Variants in MAML3 observed in about 807,000 individuals in gnomAD.
MAML3 encodes mastermind-like protein 3.
In MAML3, 27 loss-of-function variants were observed where a neutral mutation model predicts 101.9. The ratio of observed to expected loss-of-function variants is 0.27; its 90% CI spans 0.20 to 0.37. The LOEUF (loss-of-function observed/expected upper bound fraction) is 0.37. MAML3 is among the 10% of genes least tolerant of loss of function. The probability of loss-of-function intolerance (pLI) is 1.00; values close to 1 mark genes in which losing one functional copy is unlikely to be tolerated. For synonymous variants in MAML3, 501 were observed against 555.9 expected (o/e 0.90, Z 1.39); for missense variants, 1,316 against 1,444.9 (o/e 0.91, Z 1.45).
intron 1 of MAML3, among the ~76,000 whole-genome samples, chr4:140,064,972 T>C (rs1423221728): frequency 6.6e-6 from 1 of 152,216 alleles, no homozygotes; most frequent in East Asian, 1.9e-4. Flanking sequence ...GAAGATTCTT[T>C]CACCCAAATC....
chr4:139,965,532 A>G (rs1173114409), intron 1 of MAML3, among the ~76,000 whole-genome samples: 1 of 152,170 alleles, frequency 6.6e-6, no homozygotes, highest in Non-Finnish European at 1.5e-5. Context: ...CTTTGCTTCA[A>G]TTTTTTAAAA....
At chr4:139,857,992 C>T (rs181608274) in intron 2 of MAML3, among the ~76,000 whole-genome samples, 2 of 152,316 alleles carry the variant, frequency 1.3e-5, no homozygotes, top group Non-Finnish European at 2.9e-5. Context: ...GACCACCCCA[C>T]CTTAATCTGG....
In MAML3 at chr4:139,815,747, G is replaced by A. The variant is rs180761928; in HGVS notation, c.2079+73610C>T. Among the ~76,000 whole-genome samples, 6 of 152,256 alleles carry A rather than the reference G, an allele frequency of 3.9e-5. No homozygotes were observed. The East Asian group carries it at 1.2e-3, about 29-fold the overall frequency. On this transcript the variant is annotated intron_variant, in intron 2 of 4. Transcript: ENST00000509479. ...GTTTCCAGAACTCAACTGGGACAAA[G>A]TTAAAAGTTTTAGTTCAAAACTGAA... is the stretch of plus-strand genomic sequence containing the variant.
chr4:139,864,670 G>A lies in MAML3; in HGVS notation c.2079+24687C>T, dbSNP rs201781736. On this transcript the variant is annotated intron_variant, in intron 2 of 4. Coordinates refer to ENST00000509479, the MANE Select transcript of MAML3 (RefSeq NM_018717.5). The stretch of plus-strand genomic sequence containing the variant: ...CAGCCTGGCGACAGAGCGAGGCTCC[G>A]TCTCAAAAAAAAAAAAAAAAAAAAA... 1.7e-3 allele frequency among the ~76,000 whole-genome samples: 94 copies of A among 53,850 alleles called. No homozygotes were observed. In the East Asian group the frequency reaches 0.035, roughly 20 times the overall value. 35.3% of individuals were successfully genotyped at this position (53,850 alleles called of 152,430 possible).
intron 1 of MAML3, among the ~76,000 whole-genome samples, chr4:139,970,474 C>T (rs922657204): frequency 2.0e-5 from 3 of 152,058 alleles, no homozygotes; most frequent in African/African-American, 4.8e-5. Flanking sequence ...AGTGCAGATC[C>T]ACCCAGGGTC....
chr4:139,747,839 A>C (rs1284957463), intron 2 of MAML3, among the ~76,000 whole-genome samples: 2 of 152,038 alleles, frequency 1.3e-5, no homozygotes, highest in African/African-American at 4.8e-5. Flanking sequence ...GGATCACCTG[A>C]GGTTAGGAGT....
intron 1 of MAML3, among the ~76,000 whole-genome samples, chr4:139,939,478 G>A (rs959767206): frequency 2.6e-5 from 4 of 151,680 alleles, no homozygotes; most frequent in South Asian, 2.1e-4. Flanking sequence ...TGCCCTTTTC[G>A]CCCATTCTCA....
At chr4:139,758,793 G>C (rs1198574893) in intron 2 of MAML3, among the ~76,000 whole-genome samples, 1 of 152,118 alleles carries the variant, frequency 6.6e-6, no homozygotes, top group African/African-American at 2.4e-5. Flanking sequence ...CTTCCTCAAG[G>C]CTTTTCCTGG....
rs116010370 is a variant in MAML3, at chr4:139,911,139, C to T, written c.469-20172G>A. On this transcript the variant is annotated intron_variant, in intron 1 of 4. Coordinates refer to ENST00000509479, the MANE Select transcript of MAML3 (RefSeq NM_018717.5). ...CGTACCTCACATAAGTGGAATCATA[C>T]GATATTTATCTCTTAATGACTGGAA... Among the ~76,000 whole-genome samples, 1,483 of 152,224 alleles carry T rather than the reference C, an allele frequency of 9.7e-3. 23 individuals are homozygous for T. The highest frequency in any genetic ancestry group is 0.033 in the African/African-American group (1,387 of 41,524).
chr4:139,896,054 A>G (rs1012813090), intron 1 of MAML3, among the ~76,000 whole-genome samples: 4 of 152,200 alleles, frequency 2.6e-5, no homozygotes, highest in Non-Finnish European at 5.9e-5. Context: ...TGTCTGCCTC[A>G]TCATCCTTTG....
intron 2 of MAML3, among the ~76,000 whole-genome samples, chr4:139,762,239 G>C (rs989091233): frequency 6.6e-6 from 1 of 152,288 alleles, no homozygotes; most frequent in Admixed American, 6.5e-5. Flanking sequence ...CCCGTGTCTA[G>C]CCCAGCGCCT....
chr4:140,098,652 A>C (rs1049890933), intron 1 of MAML3, among the ~76,000 whole-genome samples: 4 of 152,258 alleles, frequency 2.6e-5, no homozygotes, highest in Admixed American at 6.5e-5. Flanking sequence ...GCTCTGCACC[A>C]AGGATTGAAT....
intron 3 of MAML3, among the ~76,000 whole-genome samples, chr4:139,726,425 G>A (rs530396115): frequency 6.6e-6 from 1 of 152,256 alleles, no homozygotes; most frequent in South Asian, 2.1e-4. Context: ...GTGAACATCT[G>A]TATGTATTTC....
Position 139,730,628 on chromosome 4 carries a change from T to A in MAML3, c.2119A>T (p.Met707Leu), listed in dbSNP as rs1268149029. The change falls in exon 3 of 5, where the codon ATG (methionine) becomes TTG (leucine). Residue 707 changes from methionine (M) to leucine (L), a missense_variant. By Grantham distance (15) the Met-to-Leu change is conservative. Coordinates refer to ENST00000509479, the MANE Select transcript of MAML3 (RefSeq NM_018717.5). ...PVGLPRTTGP[M>L]QSSVPPGSGG... ...GAGCCTGGGGGCACGGAGGACTGCA[T>A]GGGGCCTGTGGTTCGGGGAAGTCCA... The A allele has an allele frequency of 6.2e-7, 1 of 1,613,196 alleles. No individual in the cohort carries two copies.
intron 4 of MAML3, among the ~76,000 whole-genome samples, chr4:139,724,685 G>A (rs1222898387): frequency 1.3e-5 from 2 of 152,110 alleles, no homozygotes; most frequent in Admixed American, 1.3e-4. Context: ...GCTGCTAGGT[G>A]ACCCCTGTAG....
intron 2 of MAML3, among the ~76,000 whole-genome samples, chr4:139,831,249 A>C (rs752659780): frequency 1.2e-4 from 19 of 152,232 alleles, no homozygotes; most frequent in Non-Finnish European, 5.9e-5. Flanking sequence ...TAAAATCCTC[A>C]GGGTAAAAAT....
intron 2 of MAML3, among the ~76,000 whole-genome samples, chr4:139,770,961 G>A (rs1234516736): frequency 6.6e-6 from 1 of 152,180 alleles, no homozygotes; most frequent in Non-Finnish European, 1.5e-5. Flanking sequence ...ATTAACAACT[G>A]GATGTGGCTG....
chr4:139,806,412 A>G (rs1730700345), intron 2 of MAML3, among the ~76,000 whole-genome samples: 1 of 152,164 alleles, frequency 6.6e-6, no homozygotes, highest in Non-Finnish European at 1.5e-5. Context: ...AAATTAAAAG[A>G]ACAAAATATA....
intron 1 of MAML3, among the ~76,000 whole-genome samples, chr4:139,939,890 G>A (rs1294810570): frequency 1.3e-5 from 2 of 151,396 alleles, no homozygotes; most frequent in Admixed American, 6.6e-5. Flanking sequence ...TCAGGCTCCT[G>A]AATAGCTGGG....
Sources: allele counts gnomAD v4.1 joint callset (sites outside exome capture counted in the v4.1 genomes callset), GRCh38; gene constraint gnomAD v4.1.1; transcripts MANE v1.5; gene names NCBI Gene and HGNC (gene_info 2026-07-23, HGNC 2026-07-21).